The following C4orf50 variants were observed in gnomAD, a reference collection of about 807,000 sequenced individuals.
The protein encoded by C4orf50 is chromosome 4 open reading frame 50, also known as uncharacterized protein C4orf50.
C4orf50 carries 80 observed loss-of-function variants against 77.2 expected under a neutral mutation model. That is an observed-to-expected ratio of 1.04 (90% CI 0.87 to 1.25). The LOEUF is 1.25. Ranked by LOEUF, C4orf50 falls within the 50% of genes most tolerant of loss-of-function variation. The probability of loss-of-function intolerance (pLI) is 0.00; values close to 1 mark genes in which losing one functional copy is unlikely to be tolerated. For synonymous variants in C4orf50, 532 were observed against 465.3 expected, an observed-to-expected ratio of 1.14 and a Z score of -1.84; for missense variants, 1,257 against 1,152.9, an observed-to-expected ratio of 1.09 and a Z score of -1.31.
At chr4:5,996,474 C>T (rs1337611966) in intron 25 of C4orf50, among the ~76,000 whole-genome samples, 1 of 145,764 alleles carries the variant, frequency 6.9e-6, no homozygotes, top group Non-Finnish European at 1.5e-5. Flanking sequence ...CACGTCTGTG[C>T]TCCTGGAAGG....
At chr4:5,943,119 C>T (rs769296329) in intron 7 of C4orf50, among the ~76,000 whole-genome samples, 2 of 152,212 alleles carry the variant, frequency 1.3e-5, no homozygotes, top group Non-Finnish European at 2.9e-5. Flanking sequence ...TGGAAAACTT[C>T]TAGCCTGAGC....
intron 25 of C4orf50, among the ~76,000 whole-genome samples, chr4:5,996,318 C>T (rs945518802): frequency 6.6e-6 from 1 of 152,178 alleles, no homozygotes; most frequent in African/African-American, 2.4e-5. Flanking sequence ...CTCCCTTCCA[C>T]GCACTGCTCA....
chr4:5,944,937 T>A (rs1718417805), intron 7 of C4orf50, among the ~76,000 whole-genome samples: 1 of 152,148 alleles, frequency 6.6e-6, no homozygotes, highest in African/African-American at 2.4e-5. Flanking sequence ...TACCAAAGTC[T>A]ATTCCACACG....
intron 23 of C4orf50, among the ~76,000 whole-genome samples, chr4:6,016,190 G>A (rs1016233544): frequency 9.2e-5 from 14 of 152,186 alleles, no homozygotes; most frequent in Non-Finnish European, 1.6e-4. Context: ...GTTTGGTGAT[G>A]TTTTTGTGAC....
exon 28 of C4orf50, chr4:5,988,352 G>A (rs1720994005): frequency 1.9e-6 from 3 of 1,613,764 alleles, no homozygotes; most frequent in Non-Finnish European, 2.5e-6. Flanking sequence ...CCTACCATGG[G>A]GCCATTGCTC....
chr4:6,004,348 ATGACGG>A (rs1722120243), intron 25 of C4orf50, among the ~76,000 whole-genome samples: 1 of 97,952 alleles, frequency 1.0e-5, no homozygotes, highest in Admixed American at 1.1e-4. Flanking sequence ...GATGGTGATG[ATGACGG>A]TGATGGTGAT....
At chr4:5,929,365 C>A (rs567219480) in intron 7 of C4orf50, among the ~76,000 whole-genome samples, 1 of 152,284 alleles carries the variant, frequency 6.6e-6, no homozygotes, top group East Asian at 1.9e-4. Flanking sequence ...TGTAAATATT[C>A]CTTTATCCCA....
At position 5,949,033 on chromosome 4, in the gene C4orf50, C is replaced by T. The variant is rs550541023; in HGVS notation, c.*2474+7868G>A. Among the ~76,000 whole-genome samples, 3 of 151,098 alleles carry T rather than the reference C, an allele frequency of 2.0e-5. No individual in the cohort carries two copies. The East Asian group carries it at 5.8e-4, about 29-fold the overall frequency. On this transcript the variant is annotated intron_variant, in intron 7 of 7. Coordinates refer to the C4orf50 transcript ENST00000324058. ...CCCCTGATGGAAGAACTTAACACCA[C>T]CTTTAAAGGAGTTTTGAAAATAAAA...
intron 29 of C4orf50, among the ~76,000 whole-genome samples, chr4:5,976,457 GAAAAAAAAAAAA>G (rs138450804): frequency 7.5e-5 from 7 of 93,080 alleles, no homozygotes; most frequent in Non-Finnish European, 9.7e-5. Flanking sequence ...CTCTGTCTCG[GAAAAAAAAAAAA>G]AAAAAAAAAA....
At chr4:5,989,422 C>T (rs1471712712) in exon 28 of C4orf50, 3 of 1,536,110 alleles carry the variant, frequency 2.0e-6, no homozygotes, top group Middle Eastern at 1.7e-4. Flanking sequence ...ATCACCTTCA[C>T]CACTCTCTTT....
chr4:5,954,175 G>A (rs978307619), downstream of C4orf50, among the ~76,000 whole-genome samples: 1 of 152,140 alleles, frequency 6.6e-6, no homozygotes, highest in African/African-American at 2.4e-5. The surrounding 1 kb of genome is among the most constrained non-coding windows in gnomAD (Gnocchi z 4.7). Flanking sequence ...GCCATGGATG[G>A]ACTATCAGTG....
intron 7 of C4orf50, among the ~76,000 whole-genome samples, chr4:5,921,573 G>A (rs1158156824): frequency 6.6e-6 from 1 of 152,144 alleles, no homozygotes; most frequent in African/African-American, 2.4e-5. Context: ...TTCGATGTGG[G>A]GAAAGCTTCC....
chr4:6,001,049 A>C (rs1013069062), intron 25 of C4orf50, among the ~76,000 whole-genome samples: 20 of 152,222 alleles, frequency 1.3e-4, no homozygotes, highest in African/African-American at 4.6e-4. Context: ...ACACACACAC[A>C]GCCAAAGCAA....
At chr4:5,904,615 T>C (rs1408638989) in intron 7 of C4orf50, 2 of 152,122 alleles carry the variant, frequency 1.3e-5, no homozygotes, top group Non-Finnish European at 2.9e-5. Context: ...GCAGAGTCCG[T>C]CTCTGGATTT....
chr4:5,984,813 C>A (rs1191994906), intron 28 of C4orf50, among the ~76,000 whole-genome samples: 2 of 150,858 alleles, frequency 1.3e-5, no homozygotes, highest in Admixed American at 6.6e-5. Flanking sequence ...TTTTCTAAGT[C>A]TGACAGAAAA....
intron 31 of C4orf50, among the ~76,000 whole-genome samples, chr4:5,972,160 A>ATG (rs1719965382): frequency 6.6e-6 from 1 of 151,812 alleles, no homozygotes; most frequent in Non-Finnish European, 1.5e-5. Flanking sequence ...ACATGCCACC[A>ATG]CGCCTAGCTA....
chr4:5,977,917 A>G (rs760832852), intron 29 of C4orf50, among the ~76,000 whole-genome samples: 14 of 152,236 alleles, frequency 9.2e-5, no homozygotes, highest in Non-Finnish European at 1.8e-4. Context: ...TGCAAATCAT[A>G]TATCTAATAA....
At chr4:5,978,723 G>A (rs1222324391) in intron 29 of C4orf50, among the ~76,000 whole-genome samples, 1 of 152,146 alleles carries the variant, frequency 6.6e-6, no homozygotes, top group Non-Finnish European at 1.5e-5. Flanking sequence ...GCCACCTTTG[G>A]AGCCAGTAGT....
intron 7 of C4orf50, among the ~76,000 whole-genome samples, chr4:5,920,571 G>A (rs776792811): frequency 6.6e-6 from 1 of 151,512 alleles, no homozygotes; most frequent in Non-Finnish European, 1.5e-5. Context: ...TCATTTCCTG[G>A]GTTCAAGCTA....
Sources: gnomAD v4.1 joint callset for allele counts (sites outside exome capture counted in the v4.1 genomes callset) on GRCh38, gnomAD v4.1.1 for gene constraint, Gnocchi (gnomAD v3.1) non-coding constraint, MANE v1.5 for transcripts, NCBI Gene and HGNC (gene_info 2026-07-23, HGNC 2026-07-21) for gene names.